The following HDDC2 variants were observed in gnomAD, a reference collection of about 807,000 sequenced individuals.
HDDC2 encodes the protein 5'-deoxynucleotidase HDDC2.
In HDDC2, 25 loss-of-function variants were observed where a neutral mutation model predicts 25.5. That is an observed-to-expected ratio of 0.98 (90% CI 0.72 to 1.37). HDDC2 has a LOEUF of 1.37. Ranked by LOEUF, HDDC2 falls within the 40% of genes most tolerant of loss-of-function variation. HDDC2 has a pLI of 0.00. For synonymous variants in HDDC2, 106 were observed against 89.7 expected, an observed-to-expected ratio of 1.18 and a Z score of -1.03; for missense variants, 264 against 253.1, an observed-to-expected ratio of 1.04 and a Z score of -0.29.
At chr6:125,293,785 T>G (rs1430086763) in intron 3 of HDDC2, among the ~76,000 whole-genome samples, 1 of 152,148 alleles carries the variant, frequency 6.6e-6, no homozygotes, top group Non-Finnish European at 1.5e-5. Context: ...CCACAGTGAC[T>G]GGTCTAAGAG....
At chr6:125,284,535 T>C (rs1309746605) in intron 4 of HDDC2, among the ~76,000 whole-genome samples, 1 of 152,130 alleles carries the variant, frequency 6.6e-6, no homozygotes, top group African/African-American at 2.4e-5. Context: ...AAAGAAGACA[T>C]TTATGTGACC....
At chr6:125,290,737 C>T (rs1050296388) in intron 4 of HDDC2, among the ~76,000 whole-genome samples, 1 of 152,178 alleles carries the variant, frequency 6.6e-6, no homozygotes, top group Non-Finnish European at 1.5e-5. Context: ...AGGAAGAATC[C>T]TCCTTTTGCT....
chr6:125,287,278 A>T (rs1798552844), intron 4 of HDDC2, among the ~76,000 whole-genome samples: 1 of 152,238 alleles, frequency 6.6e-6, no homozygotes, highest in African/African-American at 2.4e-5. Flanking sequence ...ATTAAACCTT[A>T]AAGACATTCT....
chr6:125,301,490 A>ACGCGCGCG (rs369025469), intron 1 of HDDC2, among the ~76,000 whole-genome samples: 3 of 131,096 alleles, frequency 2.3e-5, no homozygotes, highest in Admixed American at 7.2e-5. Flanking sequence ...GAGCACACAC[A>ACGCGCGCG]CACACACACA....
At chr6:125,294,697 T>C (rs1275690990) in intron 3 of HDDC2, among the ~76,000 whole-genome samples, 1 of 152,212 alleles carries the variant, frequency 6.6e-6, no homozygotes, top group Non-Finnish European at 1.5e-5. Flanking sequence ...GAGACTATTT[T>C]ATTCTCTTTA....
chr6:125,294,537 G>A (rs183164713), intron 3 of HDDC2, among the ~76,000 whole-genome samples: 19 of 152,254 alleles, frequency 1.2e-4, no homozygotes, highest in African/African-American at 4.6e-4. Flanking sequence ...AATTAACTGT[G>A]TCTTTATAGA....
At chr6:125,291,107 T>C (rs1371320193) in intron 4 of HDDC2, among the ~76,000 whole-genome samples, 2 of 152,224 alleles carry the variant, frequency 1.3e-5, no homozygotes, top group Non-Finnish European at 2.9e-5. Context: ...CTACTGTTTT[T>C]TCTTTTATGA....
chr6:125,291,468 T>G (rs1798630446), intron 4 of HDDC2, among the ~76,000 whole-genome samples: 1 of 152,200 alleles, frequency 6.6e-6, no homozygotes, highest in Non-Finnish European at 1.5e-5. Context: ...AGCACTCAGT[T>G]GCCGGATGAA....
At chr6:125,300,400 T>G in intron 2 of HDDC2, 138 bp downstream of exon 2, 1 of 1,053,902 alleles carries the variant, frequency 9.5e-7, no homozygotes, top group African/African-American at 1.6e-5. Flanking sequence ...CATCCTAAAT[T>G]TGTATGGTTT....
Position 125,298,716 on chromosome 6 carries a change from C to G in HDDC2, c.307G>C (p.Glu103Gln). 6.2e-7 allele frequency: 1 copy of G among 1,612,914 alleles called. No homozygotes were observed. The highest frequency in any genetic ancestry group is 1.3e-5 in the African/African-American group (1 of 75,026). The change falls in exon 3 of 6, where the codon GAG (glutamate) becomes CAG (glutamine). Residue 103 changes from glutamate to glutamine, a missense_variant and splice_region_variant. Transcript: ENST00000398153. ...IPKEEKHRRE[E>Q]EAMKQITQLL... The stretch of plus-strand genomic sequence containing the variant: ...CACAGTCAATAGTCAACACTGACCT[C>G]TTCTCGCCTATGTTTTTCTTCTTTG...
At position 125,275,938 on chromosome 6, in the gene HDDC2, T is replaced by C; in HGVS notation, c.*208A>G. The C allele has an allele frequency of 1.8e-6, 1 of 559,862 alleles. No individual in the cohort carries two copies. 34.7% of individuals were successfully genotyped at this position (559,862 alleles called of 1,614,324 possible). On this transcript the variant is annotated 3_prime_UTR_variant, in exon 6 of 6. Coordinates refer to ENST00000398153, the MANE Select transcript of HDDC2 (RefSeq NM_016063.3). ...CATAAACAGGCACTGCCACCTCCAG[T>C]GTTCATCCATGGCACTTTCATGACC...
At chr6:125,280,626 C>G (rs1243726834) in intron 4 of HDDC2, among the ~76,000 whole-genome samples, 1 of 152,244 alleles carries the variant, frequency 6.6e-6, no homozygotes, top group Non-Finnish European at 1.5e-5. Context: ...CGGAGCCCAC[C>G]ACATCGCTGC....
intron 4 of HDDC2, among the ~76,000 whole-genome samples, chr6:125,288,292 C>T (rs1798573911): frequency 6.6e-6 from 1 of 151,974 alleles, no homozygotes; most frequent in Non-Finnish European, 1.5e-5. Context: ...GAGAAAGGGG[C>T]AGGGAGGTGA....
chr6:125,300,731 T>C (rs1798786574), intron 1 of HDDC2, 72 bp from the exon 2 acceptor site: 2 of 1,460,100 alleles, frequency 1.4e-6, no homozygotes, highest in South Asian at 2.6e-5. Flanking sequence ...CTTCAAGAGA[T>C]GTCCAGGATA....
At chr6:125,289,123 C>T (rs1400682841) in intron 4 of HDDC2, among the ~76,000 whole-genome samples, 1 of 128,382 alleles carries the variant, frequency 7.8e-6, no homozygotes, top group Admixed American at 7.5e-5. Context: ...AAATGTGGCA[C>T]ATATACACCA....
At chr6:125,295,882 C>G (rs1024541018) in intron 3 of HDDC2, among the ~76,000 whole-genome samples, 1 of 152,092 alleles carries the variant, frequency 6.6e-6, no homozygotes, top group Non-Finnish European at 1.5e-5. Context: ...ATTTATCAAC[C>G]TGCATTATCA....
chr6:125,293,775 C>A (rs1399987007), intron 3 of HDDC2, among the ~76,000 whole-genome samples: 1 of 152,160 alleles, frequency 6.6e-6, no homozygotes, highest in Admixed American at 6.5e-5. Flanking sequence ...CTATCTGTGG[C>A]CACAGTGACT....
At position 125,285,570 on chromosome 6, in the gene HDDC2, A is replaced by G. The variant is rs148746962; in HGVS notation, c.378+7271T>C. The stretch of plus-strand genomic sequence containing the variant: ...AAGACAGGCAAAGAAGAACCAACAT[A>G]CAGATACAGAAGAGTCCCAGAAAAA... On this transcript the variant is annotated intron_variant, in intron 4 of 5. Coordinates refer to ENST00000398153, the MANE Select transcript of HDDC2 (RefSeq NM_016063.3). Among the ~76,000 whole-genome samples, 566 of 152,222 alleles carry G rather than the reference A, an allele frequency of 3.7e-3. 4 individuals are homozygous for G. Among genetic ancestry groups the G allele is most frequent in the African/African-American group, 0.013 (556 of 41,556 alleles).
intron 2 of HDDC2, among the ~76,000 whole-genome samples, chr6:125,299,212 A>G (rs1798758369): frequency 6.6e-6 from 1 of 152,072 alleles, no homozygotes; most frequent in Non-Finnish European, 1.5e-5. Flanking sequence ...GTGAAACCCC[A>G]TCTCTACTAA....
Sources: gnomAD v4.1 joint callset for allele counts (sites outside exome capture counted in the v4.1 genomes callset) on GRCh38, gnomAD v4.1.1 for gene constraint, MANE v1.5 for transcripts, NCBI Gene and HGNC (gene_info 2026-07-23, HGNC 2026-07-21) for gene names.